Variants in ZC3H12B observed in about 807,000 individuals in gnomAD.
ZC3H12B encodes zinc finger CCCH-type containing 12B.
ZC3H12B carries 7 observed loss-of-function variants against 43.9 expected under a neutral mutation model. That is an observed-to-expected ratio of 0.16 (90% CI 0.09 to 0.30). The LOEUF (loss-of-function observed/expected upper bound fraction) is 0.30, where lower values mean the gene tolerates loss of function less well. ZC3H12B is among the 10% of genes least tolerant of loss of function. The pLI is 1.00. For synonymous variants in ZC3H12B, 222 were observed against 241.7 expected (o/e 0.92, Z 0.76); for missense variants, 475 against 670.2 (o/e 0.71, Z 3.22).
At chrX:65,435,069 G>A (rs996679702) in intron 3 of ZC3H12B, among the ~76,000 whole-genome samples, 1 of 112,084 alleles carries the variant, frequency 8.9e-6, no homozygotes, top group African/African-American at 3.2e-5. Flanking sequence ...CTACAAGGTT[G>A]GGGGTTCATC....
chrX:65,312,276 G>T, the ZC3H12B span, among the ~76,000 whole-genome samples: 1 of 111,885 alleles, frequency 8.9e-6, no homozygotes, highest in East Asian at 2.8e-4. Context: ...AAGACAGGCT[G>T]GAATGGTGAG....
intron 2 of ZC3H12B, among the ~76,000 whole-genome samples, chrX:65,381,295 A>G (rs907409204): frequency 5.4e-5 from 6 of 111,966 alleles, no homozygotes; most frequent in Non-Finnish European, 9.4e-5. Flanking sequence ...CAGGATTAAG[A>G]AACTCACTCA....
At chrX:65,383,887 G>A (rs2066481714) in intron 2 of ZC3H12B, among the ~76,000 whole-genome samples, 1 of 104,876 alleles carries the variant, frequency 9.5e-6, no homozygotes, top group Non-Finnish European at 2.0e-5. Flanking sequence ...TGGAGAGGAT[G>A]TGGAGAAATA....
exon 5 of ZC3H12B, chrX:65,503,320 G>A: frequency 2.8e-6 from 2 of 701,773 alleles, no homozygotes; most frequent in Non-Finnish European, 4.0e-6. Flanking sequence ...AAGTTAGAGT[G>A]TTTATATCAT....
chrX:65,163,093 A>T, the ZC3H12B span, among the ~76,000 whole-genome samples: 4,117 of 110,654 alleles, frequency 0.037, 80 homozygotes, highest in South Asian at 0.06. Flanking sequence ...ATTTTTGTGA[A>T]CCGTGAATGC....
At chrX:65,352,350 A>C in the ZC3H12B span, among the ~76,000 whole-genome samples, 1 of 111,290 alleles carries the variant, frequency 9.0e-6, no homozygotes, top group South Asian at 3.8e-4. Flanking sequence ...ATAACATTGG[A>C]GAAATACCTA....
At chrX:65,156,289 T>C in the ZC3H12B span, among the ~76,000 whole-genome samples, 5 of 111,357 alleles carry the variant, frequency 4.5e-5, no homozygotes, top group South Asian at 3.8e-4. Flanking sequence ...CATCCTCAAA[T>C]TCCCAGGCTA....
chrX:65,383,410 C>G (rs374180866), intron 2 of ZC3H12B, among the ~76,000 whole-genome samples: 20 of 109,432 alleles, frequency 1.8e-4, no homozygotes, highest in African/African-American at 6.6e-4. Flanking sequence ...ATGTAGAAAG[C>G]TGAAACTGGA....
At chrX:65,234,699 T>C in the ZC3H12B span, among the ~76,000 whole-genome samples, 5 of 112,325 alleles carry the variant, frequency 4.5e-5, no homozygotes, top group Non-Finnish European at 9.4e-5. Flanking sequence ...ATCAGTAGCA[T>C]TTATTAAGTT....
At chrX:65,335,905 A>G in the ZC3H12B span, among the ~76,000 whole-genome samples, 2 of 112,136 alleles carry the variant, frequency 1.8e-5, no homozygotes, top group African/African-American at 6.5e-5. Flanking sequence ...AAAAAAGATG[A>G]GAAGGAAACT....
the ZC3H12B span, among the ~76,000 whole-genome samples, chrX:65,230,397 A>T: frequency 6.5e-5 from 7 of 108,425 alleles, no homozygotes; most frequent in African/African-American, 2.0e-4. Context: ...GATGGGGGGA[A>T]GGGGGAGGGA....
At chrX:65,145,126 G>A in the ZC3H12B span, among the ~76,000 whole-genome samples, 25 of 111,023 alleles carry the variant, frequency 2.3e-4, 1 homozygote, top group African/African-American at 7.2e-4. Context: ...ACTATTAATC[G>A]TTTTATAAAT....
the ZC3H12B span, among the ~76,000 whole-genome samples, chrX:65,073,448 G>C: frequency 8.9e-6 from 1 of 112,374 alleles, no homozygotes; most frequent in Non-Finnish European, 1.9e-5. Context: ...CTGCAAGCAA[G>C]TGCAGCCAGG....
the ZC3H12B span, among the ~76,000 whole-genome samples, chrX:65,227,159 T>G: frequency 6.2e-4 from 69 of 111,297 alleles, no homozygotes; most frequent in East Asian, 4.5e-3. Context: ...AAATGTAAAA[T>G]AACAGAAATT....
At chrX:65,482,340 A>G (rs2148214778) in intron 3 of ZC3H12B, among the ~76,000 whole-genome samples, 1 of 111,221 alleles carries the variant, frequency 9.0e-6, no homozygotes, top group Admixed American at 9.6e-5. Flanking sequence ...GAGAGAGAAA[A>G]AAAATGAACT....
the ZC3H12B span, among the ~76,000 whole-genome samples, chrX:65,224,416 G>A: frequency 8.9e-6 from 1 of 112,461 alleles, no homozygotes; most frequent in African/African-American, 3.2e-5. Flanking sequence ...AATAGGAACA[G>A]GTCTGGTCTA....
At chrX:65,160,588 C>A in the ZC3H12B span, among the ~76,000 whole-genome samples, 1 of 111,634 alleles carries the variant, frequency 9.0e-6, no homozygotes, top group African/African-American at 3.3e-5. Context: ...GTTTGTATTT[C>A]TGTGGGATTG....
At chrX:65,307,099 C>G in the ZC3H12B span, among the ~76,000 whole-genome samples, 1 of 112,216 alleles carries the variant, frequency 8.9e-6, no homozygotes, top group East Asian at 2.8e-4. Flanking sequence ...TGATAGTATT[C>G]TAGGCATACA....
upstream of ZC3H12B, among the ~76,000 whole-genome samples, chrX:65,362,705 C>T (rs762262010): frequency 2.7e-5 from 3 of 111,160 alleles, no homozygotes; most frequent in Non-Finnish European, 5.7e-5. Context: ...CATCCCACAG[C>T]ATGCTTTAAA....
Sources: allele counts gnomAD v4.1 joint callset (sites outside exome capture counted in the v4.1 genomes callset), GRCh38; gene constraint gnomAD v4.1.1; transcripts MANE v1.5; gene names NCBI Gene and HGNC (gene_info 2026-07-23, HGNC 2026-07-21).